Variants in BICRAL observed in about 807,000 individuals in gnomAD.
BICRAL encodes the protein BICRA like chromatin remodeling complex associated protein, also known as BRD4-interacting chromatin-remodeling complex-associated protein-like.
BICRAL carries 8 observed loss-of-function variants against 91.8 expected under a neutral mutation model. The ratio of observed to expected loss-of-function variants is 0.09; its 90% CI spans 0.05 to 0.16. The LOEUF is 0.16. BICRAL is among the 10% of genes least tolerant of loss of function. The probability of loss-of-function intolerance (pLI) is 1.00; values close to 1 mark genes in which losing one functional copy is unlikely to be tolerated. For synonymous variants in BICRAL, 445 were observed against 491.1 expected (o/e 0.91, Z 1.24); for missense variants, 1,038 against 1,310.9 (o/e 0.79, Z 3.21).
At chr6:42,807,814 A>T (rs1197212626) in intron 1 of BICRAL, among the ~76,000 whole-genome samples, 2 of 151,938 alleles carry the variant, frequency 1.3e-5, no homozygotes, top group Non-Finnish European at 2.9e-5. Context: ...GAAAAAAAAA[A>T]AAAATAGTGC....
intron 1 of BICRAL, among the ~76,000 whole-genome samples, chr6:42,793,122 ATTTTTTTTTTTTTT>A (rs1159342197): frequency 4.6e-4 from 17 of 37,248 alleles, no homozygotes; most frequent in Non-Finnish European, 6.3e-4. Context: ...TGCCCAGCTA[ATTTTTTTTTTTTTT>A]TTTTTTTTTT....
In BICRAL at chr6:42,828,761, C is replaced by G. The variant is rs371397527; in HGVS notation, c.428C>G (p.Pro143Arg). The G allele has an allele frequency of 5.0e-6, 8 of 1,614,104 alleles. No homozygotes were observed. The African/African-American group carries it at 9.3e-5, about 19-fold the overall frequency. ...CAGTTTGCACAAGCTCAGCTTCATCCTTCTTCATCAGCATCCTTTACTCAG... is the reference window on the plus strand; with the variant it reads ...CAGTTTGCACAAGCTCAGCTTCATCGTTCTTCATCAGCATCCTTTACTCAG... ...SQQFAQAQLH[P>R]SSSASFTQAS... is the part of the protein sequence containing the mutation. The change falls in exon 6 of 13, where the codon CCT becomes CGT. Residue 143 changes from proline (P) to arginine (R), a missense_variant. Pro to Arg is a moderately radical substitution (Grantham distance 103). Coordinates refer to ENST00000314073, the MANE Select transcript of BICRAL (RefSeq NM_001393499.1).
intron 6 of BICRAL, among the ~76,000 whole-genome samples, chr6:42,834,079 C>G (rs1484039990): frequency 1.3e-5 from 2 of 152,158 alleles, no homozygotes; most frequent in African/African-American, 4.8e-5. Flanking sequence ...GTCTCGAACT[C>G]CCGACCTCAG....
At chr6:42,812,332 C>T (rs1433571977) in intron 2 of BICRAL, among the ~76,000 whole-genome samples, 1 of 151,998 alleles carries the variant, frequency 6.6e-6, no homozygotes, top group East Asian at 1.9e-4. Context: ...GGAGCTCATG[C>T]CTGTAATCCC....
At chr6:42,748,006 G>A (rs1289292423) in intron 1 of BICRAL, among the ~76,000 whole-genome samples, 1 of 150,938 alleles carries the variant, frequency 6.6e-6, no homozygotes, top group African/African-American at 2.4e-5. Context: ...GTTTCTCCAT[G>A]TTGGTCAGGC....
At position 42,829,857 on chromosome 6, in the gene BICRAL, A is replaced by G. The variant is rs751730855; in HGVS notation, c.1524A>G (p.Val508=). The G allele has an allele frequency of 6.2e-7, 1 of 1,614,182 alleles. No individual in the cohort carries two copies. Among genetic ancestry groups the G allele is most frequent in the Admixed American group, 1.7e-5 (1 of 60,030 alleles). Reference sequence around the variant, plus strand: ...CCTTGCAGCAGGCATCCCCAACTGTATTACACCTGTCACCTGGGCAGAGCA... The same window carrying G: ...CCTTGCAGCAGGCATCCCCAACTGTGTTACACCTGTCACCTGGGCAGAGCA... The part of the protein sequence containing the change: ...QMPLQQASPT[V]LHLSPGQSSV... The change falls in exon 6 of 13, where the codon GTA becomes GTG. Residue 508 remains valine, a synonymous_variant. Transcript: ENST00000314073.
At chr6:42,802,418 C>T (rs1763600289) in intron 1 of BICRAL, among the ~76,000 whole-genome samples, 2 of 112,126 alleles carry the variant, frequency 1.8e-5, no homozygotes, top group African/African-American at 4.4e-5. Context: ...TTCAGCTTTT[C>T]GTGTTTTTTT....
intron 1 of BICRAL, among the ~76,000 whole-genome samples, chr6:42,775,787 A>G (rs1332909474): frequency 3.3e-5 from 5 of 152,358 alleles, no homozygotes; most frequent in East Asian, 3.9e-4. Context: ...GTCATTTAAT[A>G]TAGAGACAAA....
chr6:42,783,720 T>C (rs1412764677), intron 1 of BICRAL, among the ~76,000 whole-genome samples: 1 of 152,186 alleles, frequency 6.6e-6, no homozygotes, highest in Admixed American at 6.5e-5. Flanking sequence ...AGCTTCTTCC[T>C]CCTAACCACT....
intron 6 of BICRAL, among the ~76,000 whole-genome samples, chr6:42,849,304 T>C (rs1437502727): frequency 6.6e-6 from 1 of 152,134 alleles, no homozygotes; most frequent in Non-Finnish European, 1.5e-5. Flanking sequence ...CAGACTGATC[T>C]CAATTTCCTG....
At chr6:42,772,957 T>G (rs1457892067) in intron 1 of BICRAL, among the ~76,000 whole-genome samples, 1 of 152,108 alleles carries the variant, frequency 6.6e-6, no homozygotes. Context: ...ACATAACAAT[T>G]TATTTAATAT....
At chr6:42,817,818 C>T (rs1457230007) in intron 2 of BICRAL, among the ~76,000 whole-genome samples, 2 of 151,766 alleles carry the variant, frequency 1.3e-5, no homozygotes, top group African/African-American at 4.8e-5. Flanking sequence ...TATTCTTATA[C>T]ACATATCATT....
chr6:42,751,036 T>G (rs188156158), intron 1 of BICRAL, among the ~76,000 whole-genome samples: 1 of 151,348 alleles, frequency 6.6e-6, no homozygotes, highest in Non-Finnish European at 1.5e-5. Flanking sequence ...GCATTAGGTA[T>G]TTGTCCTAAT....
At chr6:42,802,421 GTTTTT>G (rs370280741) in intron 1 of BICRAL, among the ~76,000 whole-genome samples, 1 of 149,684 alleles carries the variant, frequency 6.7e-6, no homozygotes, top group African/African-American at 2.5e-5. Context: ...AGCTTTTCGT[GTTTTT>G]TTTTGTTGTT....
At chr6:42,784,401 T>G (rs1763041120) in intron 1 of BICRAL, among the ~76,000 whole-genome samples, 1 of 152,138 alleles carries the variant, frequency 6.6e-6, no homozygotes, top group Admixed American at 6.5e-5. Flanking sequence ...GGAAAGTAAA[T>G]AGTTAATTTC....
At chr6:42,750,710 G>C (rs1762364047) in intron 1 of BICRAL, among the ~76,000 whole-genome samples, 1 of 151,706 alleles carries the variant, frequency 6.6e-6, no homozygotes, top group African/African-American at 2.4e-5. Context: ...TGAGTAGCTG[G>C]GATTACAGGT....
At chr6:42,776,216 T>C (rs1022451539) in intron 1 of BICRAL, among the ~76,000 whole-genome samples, 14 of 151,754 alleles carry the variant, frequency 9.2e-5, no homozygotes, top group African/African-American at 3.4e-4. Flanking sequence ...GAGATGGGGT[T>C]TCACCATATT....
intron 1 of BICRAL, among the ~76,000 whole-genome samples, chr6:42,790,309 A>G (rs988975152): frequency 1.3e-5 from 2 of 150,686 alleles, no homozygotes; most frequent in Non-Finnish European, 3.0e-5. Context: ...TAGAAATGCA[A>G]CACCATGCCC....
intron 8 of BICRAL, among the ~76,000 whole-genome samples, chr6:42,855,386 C>T (rs1180669346): frequency 2.6e-5 from 4 of 152,124 alleles, no homozygotes; most frequent in Non-Finnish European, 5.9e-5. Context: ...ACAAAAAATA[C>T]CAAAAAATTA....
Sources: allele counts gnomAD v4.1 joint callset (sites outside exome capture counted in the v4.1 genomes callset), GRCh38; gene constraint gnomAD v4.1.1; transcripts MANE v1.5; gene names NCBI Gene and HGNC (gene_info 2026-07-23, HGNC 2026-07-21).